CYSTM1: variants seen among roughly 807,000 people sequenced by gnomAD.
CYSTM1 encodes cysteine rich transmembrane module containing 1, also known as cysteine-rich transmembrane module-containing protein 1.
CYSTM1 carries 4 observed loss-of-function variants against 13.1 expected under a neutral mutation model. The ratio of observed to expected loss-of-function variants is 0.31; its 90% CI spans 0.15 to 0.70. CYSTM1 has a LOEUF of 0.70. Ranked by LOEUF, CYSTM1 falls within the 30% of genes least tolerant of loss-of-function variation. The pLI is 0.72. For synonymous variants in CYSTM1, 36 were observed against 42.7 expected (o/e 0.84, Z 0.62); for missense variants, 96 against 121.6 (o/e 0.79, Z 0.99).
At chr5:140,216,544 G>A (rs1405016054) in intron 2 of CYSTM1, among the ~76,000 whole-genome samples, 1 of 152,152 alleles carries the variant, frequency 6.6e-6, no homozygotes, top group African/African-American at 2.4e-5. Flanking sequence ...CTGGTTTTCT[G>A]CTGTTCCAGG....
intron 2 of CYSTM1, among the ~76,000 whole-genome samples, chr5:140,223,954 G>A (rs1050432461): frequency 6.6e-6 from 1 of 152,198 alleles, no homozygotes; most frequent in Admixed American, 6.5e-5. Context: ...AAGGCTGAGG[G>A]AGCTGAGAGG....
chr5:140,205,393 C>G (rs1015255488), intron 2 of CYSTM1, among the ~76,000 whole-genome samples: 8 of 152,230 alleles, frequency 5.3e-5, no homozygotes, highest in Non-Finnish European at 8.8e-5. Context: ...TATGGAATTA[C>G]TGCCTGGCTT....
At chr5:140,232,211 A>C (rs1764625746) in intron 2 of CYSTM1, among the ~76,000 whole-genome samples, 1 of 152,196 alleles carries the variant, frequency 6.6e-6, no homozygotes, top group Admixed American at 6.5e-5. Context: ...GAACAAACTG[A>C]GTTAGTTTGA....
chr5:140,197,055 C>G (rs941985119), intron 2 of CYSTM1, among the ~76,000 whole-genome samples: 4 of 152,166 alleles, frequency 2.6e-5, no homozygotes, highest in Admixed American at 6.6e-5. Flanking sequence ...TAGACTCAAC[C>G]CAATGCCTGC....
intron 2 of CYSTM1, among the ~76,000 whole-genome samples, chr5:140,211,791 A>T (rs1764370923): frequency 6.6e-6 from 1 of 152,036 alleles, no homozygotes; most frequent in Non-Finnish European, 1.5e-5. Flanking sequence ...TACCAAAAAT[A>T]CAAAAATTAG....
At chr5:140,215,872 G>A (rs1442559939) in intron 2 of CYSTM1, among the ~76,000 whole-genome samples, 1 of 152,190 alleles carries the variant, frequency 6.6e-6, no homozygotes, top group Non-Finnish European at 1.5e-5. Flanking sequence ...GGGGCACAAT[G>A]ACTCACACCT....
intron 2 of CYSTM1, among the ~76,000 whole-genome samples, chr5:140,238,348 A>G (rs1380580128): frequency 2.6e-5 from 4 of 152,142 alleles, no homozygotes; most frequent in Admixed American, 1.3e-4. Context: ...ACCTTCTCCT[A>G]TCTTACCCTT....
chr5:140,206,547 GA>G (rs1393908926), intron 2 of CYSTM1, among the ~76,000 whole-genome samples: 1 of 152,138 alleles, frequency 6.6e-6, no homozygotes, highest in Non-Finnish European at 1.5e-5. Flanking sequence ...AGAATCCTGG[GA>G]GTATTGAGCT....
rs1306546727 is a variant in CYSTM1, at chr5:140,175,717, G to T, written c.-21+432G>T. Among the ~76,000 whole-genome samples, 3 of 152,258 alleles carry T rather than the reference G, an allele frequency of 2.0e-5. No homozygotes were observed. In the South Asian group the frequency reaches 6.2e-4, roughly 31 times the overall value. Reference sequence around the variant, plus strand: ...TGCCTATTCCGAGCTGGGCCAGCCGGGGGCAGGGGGCAGGTCGCGAGTCCC... The same window carrying T: ...TGCCTATTCCGAGCTGGGCCAGCCGTGGGCAGGGGGCAGGTCGCGAGTCCC... On this transcript the variant is annotated intron_variant, in intron 1 of 2. Coordinates refer to ENST00000261811, the MANE Select transcript of CYSTM1 (RefSeq NM_032412.4). The surrounding 1 kb of genome is among the most constrained non-coding windows in gnomAD (Gnocchi z 4.9).
At chr5:140,236,378 A>C (rs1764680349) in intron 2 of CYSTM1, among the ~76,000 whole-genome samples, 1 of 152,170 alleles carries the variant, frequency 6.6e-6, no homozygotes, top group African/African-American at 2.4e-5. Flanking sequence ...AGCTTTGTAC[A>C]TGCACCTGGA....
chr5:140,194,421 A>G, intron 1 of CYSTM1, 25 bp from the exon 2 acceptor site: 1 of 1,519,686 alleles, frequency 6.6e-7, no homozygotes, highest in Non-Finnish European at 8.8e-7. Flanking sequence ...AAATGCAAAT[A>G]ATTTTCATTC....
intron 2 of CYSTM1, among the ~76,000 whole-genome samples, chr5:140,227,796 A>C (rs1764575388): frequency 6.6e-6 from 1 of 152,178 alleles, no homozygotes; most frequent in Non-Finnish European, 1.5e-5. Context: ...GAGGACCCCC[A>C]GGAGCAGCTT....
At chr5:140,182,227 C>G (rs976655445) in intron 1 of CYSTM1, among the ~76,000 whole-genome samples, 1 of 152,162 alleles carries the variant, frequency 6.6e-6, no homozygotes, top group African/African-American at 2.4e-5. Context: ...GGCAATACAG[C>G]CTTTACCCAA....
chr5:140,218,285 G>C (rs1764454995), intron 2 of CYSTM1, among the ~76,000 whole-genome samples: 1 of 151,978 alleles, frequency 6.6e-6, no homozygotes, highest in Non-Finnish European at 1.5e-5. Flanking sequence ...CCAGTTCATT[G>C]TGTAAAATGC....
chr5:140,220,423 G>A (rs910041552), intron 2 of CYSTM1, among the ~76,000 whole-genome samples: 10 of 152,128 alleles, frequency 6.6e-5, no homozygotes, highest in African/African-American at 2.4e-4. Context: ...ATGAGGAGAG[G>A]GCGGTAATAA....
chr5:140,200,552 C>G (rs964170514), intron 2 of CYSTM1: 2 of 123,962 alleles, frequency 1.6e-5, no homozygotes, highest in African/African-American at 6.0e-5. Flanking sequence ...ACTCTTCCCC[C>G]CGGCCTTTTT....
chr5:140,212,983 G>GTGTAAATATATATATATATATATA, intron 2 of CYSTM1, among the ~76,000 whole-genome samples: 1 of 114,302 alleles, frequency 8.7e-6, no homozygotes, highest in South Asian at 3.6e-4. Context: ...CAAAACAAAA[G>GTGTAAATATATATATATATATATA]TATATATATA....
chr5:140,205,380 A>C (rs924949380), intron 2 of CYSTM1, among the ~76,000 whole-genome samples: 1 of 152,212 alleles, frequency 6.6e-6, no homozygotes, highest in Admixed American at 6.5e-5. Flanking sequence ...AATTGGCTCT[A>C]AGTATGGAAT....
At chr5:140,223,893 A>G (rs1322900830) in intron 2 of CYSTM1, among the ~76,000 whole-genome samples, 3 of 152,188 alleles carry the variant, frequency 2.0e-5, no homozygotes, top group African/African-American at 4.8e-5. Context: ...GCTGGTGTCT[A>G]TGCTCACAAG....
Sources: gnomAD v4.1 joint callset for allele counts (sites outside exome capture counted in the v4.1 genomes callset) on GRCh38, gnomAD v4.1.1 for gene constraint, Gnocchi (gnomAD v3.1) non-coding constraint, MANE v1.5 for transcripts, NCBI Gene and HGNC (gene_info 2026-07-23, HGNC 2026-07-21) for gene names.